TOMT: variants seen among roughly 807,000 people sequenced by gnomAD.
The protein encoded by TOMT is transmembrane O-methyltransferase.
TOMT carries 23 observed loss-of-function variants against 21.7 expected under a neutral mutation model. The ratio of observed to expected loss-of-function variants is 1.06; its 90% CI spans 0.76 to 1.50. TOMT has a LOEUF of 1.50. Among genes scored for constraint, TOMT ranks in the 40% most tolerant of loss-of-function variants. The pLI is 0.00. For synonymous variants in TOMT, 132 were observed against 150.8 expected (o/e 0.88, Z 0.91); for missense variants, 331 against 348.7 (o/e 0.95, Z 0.41).
chr11:72,106,940 C>CAA (rs34155157), intron 1 of TOMT: 6 of 82,498 alleles, frequency 7.3e-5, no homozygotes, highest in South Asian at 3.6e-4. Flanking sequence ...GAACCTGTCT[C>CAA]AAAAAAAAAA....
rs1427778752 is a variant in TOMT, at chr11:72,106,060, C to T, written c.109C>T (p.Arg37Ter). ...GCGCACGGTCTTGCTGCGAAGCCTC[C>T]GAGACTGCCTGTCAGGGCTGCGGAT... The change falls in exon 1 of 3, where the codon CGA (arginine) becomes TGA (stop). Residue 37 changes from arginine (R) to a stop codon, truncating the protein, a stop_gained. Transcript: ENST00000541899. LOFTEE classifies it high-confidence loss of function. The T allele has an allele frequency of 1.9e-5, 29 of 1,550,842 alleles. No individual in the cohort carries two copies. The highest frequency in any genetic ancestry group is 4.8e-5 in the South Asian group (4 of 84,064).
chr11:72,109,194 A>G, exon 3 of TOMT: 2 of 501,982 alleles, frequency 4.0e-6, no homozygotes, highest in South Asian at 4.1e-5. Flanking sequence ...CAGCTCTGTC[A>G]CTGATTTGCT....
chr11:72,108,034 G>A, exon 2 of TOMT: 1 of 1,551,536 alleles, frequency 6.4e-7, no homozygotes, highest in Non-Finnish European at 8.7e-7. Context: ...CCCCCTGGGG[G>A]TCGCCTTCTT....
intron 1 of TOMT, chr11:72,106,758 T>C (rs1945724971): frequency 6.7e-6 from 1 of 150,340 alleles, no homozygotes; most frequent in African/African-American, 2.5e-5. Flanking sequence ...TTGGGCAACA[T>C]GGCAAAAACC....
chr11:72,107,342 C>G, intron 1 of TOMT: 1 of 623,902 alleles, frequency 1.6e-6, no homozygotes, highest in Non-Finnish European at 2.9e-6. Context: ...GGGAATGAAA[C>G]TACAAATTCT....
downstream of TOMT, chr11:72,109,383 G>A: frequency 2.2e-6 from 1 of 461,640 alleles, no homozygotes; most frequent in Non-Finnish European, 4.3e-6. Flanking sequence ...TAGACGCCCT[G>A]CAGGAATAGC....
At chr11:72,106,274 T>A (rs1187357099) in intron 1 of TOMT, 64 bp downstream of exon 1, 1 of 1,388,334 alleles carries the variant, frequency 7.2e-7, no homozygotes, top group African/African-American at 1.4e-5. Flanking sequence ...ATATTTGGGA[T>A]CTGTTGCTGC....
intron 1 of TOMT, 79 bp from the exon 2 acceptor site, chr11:72,107,844 G>A: frequency 1.3e-6 from 2 of 1,485,420 alleles, no homozygotes; most frequent in Non-Finnish European, 1.8e-6. Flanking sequence ...AGTGAGGCAG[G>A]TAGGCATTTG....
chr11:72,106,157 TG>T lies in TOMT; in HGVS notation c.208del (p.Asp70ThrfsTer10). 1 of 1,529,152 alleles carries T rather than the reference TG, an allele frequency of 6.5e-7. No individual in the cohort carries two copies. 94.7% of individuals were successfully genotyped at this position (1,529,152 alleles called of 1,614,324 possible). On this transcript the variant is annotated frameshift_variant, in exon 1 of 3. Transcript: ENST00000541899. LOFTEE classifies it high-confidence loss of function. ...GACCCTGGTCACATCCTCACCACCC[TG>T]GACCACTGGAGCAGCCGCTGCGAGT...
At position 72,106,192 on chromosome 11, in the gene TOMT, C is replaced by T. The variant is rs767713899; in HGVS notation, c.241C>T (p.His81Tyr). Residue 81 changes from histidine (H) to tyrosine (Y), a missense_variant, in exon 1 of 3, where the codon CAC (histidine) becomes TAC (tyrosine). Transcript: ENST00000541899. ...GAGCAGCCGCTGCGAGTACTTGAGC[C>T]ACATGGGGCCTGTCAAAGGTCAGTG... is the stretch of plus-strand genomic sequence containing the variant. 5.1e-5 allele frequency: 76 copies of T among 1,502,538 alleles called. No homozygotes were observed. In the African/African-American group the frequency reaches 9.2e-4, roughly 18 times the overall value. 93.1% of individuals were successfully genotyped at this position (1,502,538 alleles called of 1,614,324 possible).
At chr11:72,108,611 C>T (rs1189119722) in exon 3 of TOMT, 2 of 1,462,816 alleles carry the variant, frequency 1.4e-6, no homozygotes, top group Non-Finnish European at 1.8e-6. Flanking sequence ...ACAGGTGGAG[C>T]TCATCGTGGG....
chr11:72,106,984 G>A (rs1945753211), intron 1 of TOMT: 1 of 158,788 alleles, frequency 6.3e-6, no homozygotes, highest in South Asian at 2.0e-4. Flanking sequence ...GAAATTCACT[G>A]GCTGGGCATG....
exon 1 of TOMT, chr11:72,106,103 G>C: frequency 6.5e-7 from 1 of 1,548,960 alleles, no homozygotes; most frequent in African/African-American, 1.4e-5. Flanking sequence ...CGGGCCTTCA[G>C]CTACGTGCTC....
At chr11:72,107,792 T>C (rs1356519612) in intron 1 of TOMT, 131 bp from the exon 2 acceptor site, 2 of 931,344 alleles carry the variant, frequency 2.1e-6, no homozygotes, top group Non-Finnish European at 3.3e-6. Flanking sequence ...GCTGGGGCTA[T>C]GGTACAAGAG....
At chr11:72,107,498 C>T (rs1030812582) in intron 1 of TOMT, 17 of 702,834 alleles carry the variant, frequency 2.4e-5, no homozygotes, top group Non-Finnish European at 3.6e-5. Flanking sequence ...AAGCCAGCCA[C>T]ATATACACAT....
chr11:72,108,825 G>A, exon 3 of TOMT: 2 of 1,550,576 alleles, frequency 1.3e-6, no homozygotes, highest in South Asian at 2.4e-5. Context: ...TATGCTAAGA[G>A]CTGTGGCCGC....
At chr11:72,107,171 G>A in intron 1 of TOMT, 1 of 463,800 alleles carries the variant, frequency 2.2e-6, no homozygotes, top group Non-Finnish European at 3.8e-6. Flanking sequence ...AAATGCTGAG[G>A]TGGGAGGATT....
chr11:72,109,325 C>T (rs956514341), exon 3 of TOMT: 2 of 468,196 alleles, frequency 4.3e-6, no homozygotes, highest in South Asian at 1.5e-5. Context: ...AGCCTCCCAT[C>T]CTCAGCCCAT....
At chr11:72,107,999 T>C (rs929045615) in exon 2 of TOMT, 20 of 1,551,638 alleles carry the variant, frequency 1.3e-5, no homozygotes, top group Middle Eastern at 1.7e-4. Flanking sequence ...GTGGATACTC[T>C]ACCCTGCTTA....
Sources: gnomAD v4.1 joint callset for allele counts on GRCh38, gnomAD v4.1.1 for gene constraint, MANE v1.5 for transcripts, NCBI Gene and HGNC (gene_info 2026-07-23, HGNC 2026-07-21) for gene names.